SLC22A16: variants seen among roughly 807,000 people sequenced by gnomAD.
The protein encoded by SLC22A16 is WUGSC:RG331P03.1.
SLC22A16 carries 53 observed loss-of-function variants against 52.9 expected under a neutral mutation model. The observed-to-expected ratio is 1.00, with a 90% confidence interval of 0.80 to 1.26. The LOEUF (loss-of-function observed/expected upper bound fraction) is 1.26, where lower values mean the gene tolerates loss of function less well. Among genes scored for constraint, SLC22A16 ranks in the 50% most tolerant of loss-of-function variants. The pLI is 0.00. For missense variants in SLC22A16, 726 were observed against 704.0 expected, an observed-to-expected ratio of 1.03 and a Z score of -0.35; for synonymous variants, 291 against 268.8, an observed-to-expected ratio of 1.08 and a Z score of -0.81.
rs376717077 is a variant in SLC22A16, at chr6:110,442,500, G to A, written c.927C>T (p.Asp309=). 147 of 1,614,050 alleles carry A rather than the reference G, an allele frequency of 9.1e-5. No individual in the cohort carries two copies. The highest frequency in any genetic ancestry group is 1.1e-4 in the Non-Finnish European group (131 of 1,180,046). ...GRYEEAQKIV[D]IMAKWNRASS... ...TTGCCCTGTTCCACTTGGCCATGAT[G>A]TCAACTATTTTTTGTGCTTCTTCAT... Residue 309 remains aspartate (D), a synonymous_variant, in exon 4 of 8, where the codon GAC becomes GAT. Transcript: ENST00000368919.
At chr6:110,467,100 C>A (rs1309688989) in intron 1 of SLC22A16, among the ~76,000 whole-genome samples, 4 of 152,142 alleles carry the variant, frequency 2.6e-5, no homozygotes, top group Admixed American at 2.6e-4. Context: ...AAAAGTTTTA[C>A]CCTTGCAGAC....
At chr6:110,434,775 C>T (rs1001328184) in intron 6 of SLC22A16, among the ~76,000 whole-genome samples, 13 of 151,972 alleles carry the variant, frequency 8.6e-5, no homozygotes, top group African/African-American at 2.4e-4. Flanking sequence ...GTCAGGAGTT[C>T]GAGACCAGCC....
intron 1 of SLC22A16, among the ~76,000 whole-genome samples, chr6:110,475,416 G>C (rs1776426756): frequency 6.6e-6 from 1 of 152,212 alleles, no homozygotes; most frequent in African/African-American, 2.4e-5. Context: ...TGTACCAACG[G>C]CTTATGACCG....
intron 1 of SLC22A16, among the ~76,000 whole-genome samples, chr6:110,458,374 T>C (rs957966706): frequency 3.9e-5 from 6 of 152,220 alleles, no homozygotes; most frequent in African/African-American, 1.4e-4. Flanking sequence ...GTCTTTTCTT[T>C]TGTCTCTTTG....
intron 1 of SLC22A16, 132 bp downstream of exon 1, chr6:110,476,390 A>G (rs1466420353): frequency 1.6e-5 from 22 of 1,379,984 alleles, no homozygotes; most frequent in Non-Finnish European, 2.1e-5. Context: ...CCGTGTCCCG[A>G]CTGCGCGGGG....
At position 110,429,994 on chromosome 6, in the gene SLC22A16, G is replaced by T. The variant is rs377475516; in HGVS notation, c.1521+1177C>A. Among the ~76,000 whole-genome samples, 7 of 152,124 alleles carry T rather than the reference G, an allele frequency of 4.6e-5. No individual in the cohort carries two copies. The East Asian group carries it at 7.7e-4, about 17-fold the overall frequency. ...AAGCTGCATGAGGAATAGAACAGGG[G>T]AGCTGTGCAGGGGGTCAATCGGGAA... On this transcript the variant is annotated intron_variant, in intron 7 of 7. Coordinates refer to ENST00000368919, the MANE Select transcript of SLC22A16 (RefSeq NM_033125.4).
chr6:110,475,269 G>GGGCATCCAAT (rs1221086466), intron 1 of SLC22A16, among the ~76,000 whole-genome samples: 1 of 152,166 alleles, frequency 6.6e-6, no homozygotes, highest in African/African-American at 2.4e-5. Flanking sequence ...TGGAGGTGAT[G>GGGCATCCAAT]GGCATCCAAT....
chr6:110,468,074 T>G (rs1413397134), intron 1 of SLC22A16, among the ~76,000 whole-genome samples: 1 of 152,246 alleles, frequency 6.6e-6, no homozygotes, highest in East Asian at 1.9e-4. Context: ...CACAGGCTGG[T>G]CATGTTGGCC....
At chr6:110,427,744 G>A (rs944501267) in intron 7 of SLC22A16, among the ~76,000 whole-genome samples, 1 of 152,102 alleles carries the variant, frequency 6.6e-6, no homozygotes, top group African/African-American at 2.4e-5. Flanking sequence ...CCAAAGTGTG[G>A]GATTACTTGT....
Position 110,472,787 on chromosome 6 carries a change from T to G in SLC22A16, c.53+3735A>C, listed in dbSNP as rs553903776. Among the ~76,000 whole-genome samples the G allele has an allele frequency of 2.0e-5, 3 of 152,208 alleles. No individual in the cohort carries two copies. The South Asian group carries it at 6.2e-4, about 32-fold the overall frequency. On this transcript the variant is annotated intron_variant, in intron 1 of 7. Coordinates refer to ENST00000368919, the MANE Select transcript of SLC22A16 (RefSeq NM_033125.4). ...CAGGCTTATAGATATGACACTCTAA[T>G]GGAAAAATAATCACACAAACACAAT...
rs145711286 is a variant in SLC22A16, at chr6:110,471,003, C to A, written c.53+5519G>T. On this transcript the variant is annotated intron_variant, in intron 1 of 7. Coordinates refer to ENST00000368919, the MANE Select transcript of SLC22A16 (RefSeq NM_033125.4). ...TTTGTTATAACCATTTTGCAAAACT[C>A]TCTGGCAGGGGACCACATGCACCGC... 5.0e-3 allele frequency among the ~76,000 whole-genome samples: 759 copies of A among 152,260 alleles called. 2 individuals are homozygous for A. Among genetic ancestry groups the A allele is most frequent in the Middle Eastern group, 0.02 (6 of 294 alleles).
intron 1 of SLC22A16, among the ~76,000 whole-genome samples, chr6:110,462,205 A>G (rs1775909937): frequency 6.6e-6 from 1 of 152,242 alleles, no homozygotes; most frequent in South Asian, 2.1e-4. Flanking sequence ...TATGGGAGTT[A>G]AAAGATGAGA....
intron 7 of SLC22A16, among the ~76,000 whole-genome samples, chr6:110,426,421 T>A (rs559571800): frequency 6.6e-6 from 1 of 152,086 alleles, no homozygotes; most frequent in African/African-American, 2.4e-5. Context: ...CACTCCTGCT[T>A]CCCTGACCAG....
chr6:110,452,930 T>G (rs942246703), intron 2 of SLC22A16, among the ~76,000 whole-genome samples: 8 of 152,180 alleles, frequency 5.3e-5, no homozygotes, highest in Admixed American at 2.0e-4. Flanking sequence ...TTTCAGAACT[T>G]TTCTCTTTTC....
chr6:110,433,925 C>A (rs1390039163), intron 6 of SLC22A16, among the ~76,000 whole-genome samples: 1 of 151,910 alleles, frequency 6.6e-6, no homozygotes, highest in East Asian at 1.9e-4. Context: ...AATACAGGAT[C>A]ATTTTGCAAA....
intron 1 of SLC22A16, chr6:110,475,113 A>T: frequency 2.4e-6 from 1 of 418,530 alleles, no homozygotes; most frequent in Non-Finnish European, 4.8e-6. Context: ...GAACTTAGAC[A>T]TCCAGCCTTA....
chr6:110,468,263 G>A (rs1776139790), intron 1 of SLC22A16, among the ~76,000 whole-genome samples: 1 of 152,230 alleles, frequency 6.6e-6, no homozygotes, highest in Non-Finnish European at 1.5e-5. Context: ...GCCAACAGAA[G>A]AGCTTGGAGC....
chr6:110,432,018 G>C (rs1443164361), intron 6 of SLC22A16, among the ~76,000 whole-genome samples: 2 of 152,090 alleles, frequency 1.3e-5, no homozygotes, highest in African/African-American at 2.4e-5. Context: ...CAACTTTTTA[G>C]AGTCAAGGAA....
At position 110,431,196 on chromosome 6, in the gene SLC22A16, C is replaced by T. The variant is rs1230286698; in HGVS notation, c.1496G>A (p.Ser499Asn). 1 of 1,613,900 alleles carries T rather than the reference C, an allele frequency of 6.2e-7. No homozygotes were observed. Among genetic ancestry groups the T allele is most frequent in the African/African-American group, 1.3e-5 (1 of 75,064 alleles). The change falls in exon 7 of 8, where the codon AGC becomes AAC. Residue 499 changes from serine (S) to asparagine (N), a missense_variant. Ser to Asn is a conservative substitution (Grantham distance 46). Transcript: ENST00000368919. ...SILAPFSVDL[S>N]SIWIFIPQLF... ...CTGTGGTATGAAGATCCAAATGCTG[C>T]TGAGGTCCACAGAGAACGGCGCCAG...
Sources: gnomAD v4.1 joint callset for allele counts (sites outside exome capture counted in the v4.1 genomes callset) on GRCh38, gnomAD v4.1.1 for gene constraint, MANE v1.5 for transcripts, NCBI Gene and HGNC (gene_info 2026-07-23, HGNC 2026-07-21) for gene names.